CD244: variants seen among roughly 807,000 people sequenced by gnomAD.
The protein encoded by CD244 is natural killer cell receptor 2B4.
Under a neutral mutation model 45.5 loss-of-function variants are expected in CD244, and 20 were observed. That is an observed-to-expected ratio of 0.44 (90% CI 0.31 to 0.64). The LOEUF (loss-of-function observed/expected upper bound fraction) is 0.64, where lower values mean the gene tolerates loss of function less well. Ranked by LOEUF, CD244 falls within the 30% of genes least tolerant of loss-of-function variation. CD244 has a pLI of 0.08. For synonymous variants in CD244, 185 were observed against 160.5 expected (o/e 1.15, Z -1.15); for missense variants, 407 against 426.9 (o/e 0.95, Z 0.41).
intron 1 of CD244, among the ~76,000 whole-genome samples, chr1:160,847,513 A>G (rs1669777234): frequency 6.6e-6 from 1 of 152,204 alleles, no homozygotes; most frequent in South Asian, 2.1e-4. Flanking sequence ...CCCTCTAAGC[A>G]CAGTAGAATT....
At position 160,832,499 on chromosome 1, in the gene CD244, G is replaced by A; in HGVS notation, c.1017+20C>T. Reference sequence around the variant, plus strand: ...CTATGCAACAGACAGTAAACCCATTGAGGAGTTCCAGAATCTTACCACTTC... The same window carrying A: ...CTATGCAACAGACAGTAAACCCATTAAGGAGTTCCAGAATCTTACCACTTC... On this transcript the variant is annotated intron_variant, in intron 8 of 8. Transcript: ENST00000368034. The A allele has an allele frequency of 6.6e-7, 1 of 1,507,490 alleles. No homozygotes were observed. Among genetic ancestry groups the A allele is most frequent in the South Asian group, 1.2e-5 (1 of 85,338 alleles). The allele number at this position is 1,507,490 out of a possible 1,614,324, so 93.4% of individuals were successfully genotyped here.
chr1:160,861,524 T>A (rs1367324062), intron 1 of CD244, among the ~76,000 whole-genome samples: 11 of 151,916 alleles, frequency 7.2e-5, no homozygotes, highest in Non-Finnish European at 1.5e-4. Context: ...CCCTGCAGAG[T>A]CACTGATCTA....
intron 1 of CD244, among the ~76,000 whole-genome samples, chr1:160,857,482 A>G (rs1331933474): frequency 6.6e-6 from 1 of 152,270 alleles, no homozygotes; most frequent in African/African-American, 2.4e-5. Context: ...ACAAATAATA[A>G]CATACATAAA....
Position 160,831,373 on chromosome 1 carries a change from G to T in CD244, c.1072C>A (p.Leu358Met). Reference protein sequence around the residue: ...QNPARLSRKELENFDVYS With the variant: ...QNPARLSRKEMENFDVYS ...TAGGAATAAACATCAAAGTTCTCCA[G>T]CTCTTTGCGGCTCAATCGAGCAGGG... Residue 358 changes from leucine to methionine, a missense_variant, in exon 9 of 9, where the codon CTG becomes ATG. Leu to Met is a conservative substitution (Grantham distance 15, BLOSUM62 2). Coordinates refer to ENST00000368034, the MANE Select transcript of CD244 (RefSeq NM_016382.4). 3.1e-6 allele frequency: 5 copies of T among 1,614,076 alleles called. No individual in the cohort carries two copies. The highest frequency in any genetic ancestry group is 4.2e-6 in the Non-Finnish European group (5 of 1,179,908).
At chr1:160,862,590 G>A (rs753354373) in intron 1 of CD244, 27 bp downstream of exon 1, 55 of 1,608,468 alleles carry the variant, frequency 3.4e-5, no homozygotes, top group Non-Finnish European at 4.0e-5. Flanking sequence ...TCCCTCCCTC[G>A]CCCCACGCCA....
chr1:160,856,682 G>C (rs1670117366), intron 1 of CD244, among the ~76,000 whole-genome samples: 2 of 152,124 alleles, frequency 1.3e-5, no homozygotes, highest in South Asian at 4.1e-4. Context: ...AGATTCTTAA[G>C]GGTAGAATAG....
chr1:160,843,370 C>A (rs1186264368), intron 1 of CD244, among the ~76,000 whole-genome samples: 2 of 152,130 alleles, frequency 1.3e-5, no homozygotes, highest in Non-Finnish European at 2.9e-5. Context: ...AGTCAACCTA[C>A]CAAATATTGC....
At chr1:160,860,201 C>T (rs964572714) in intron 1 of CD244, among the ~76,000 whole-genome samples, 1 of 151,908 alleles carries the variant, frequency 6.6e-6, no homozygotes, top group Non-Finnish European at 1.5e-5. Flanking sequence ...GAGCGAGACT[C>T]CATCTCTAAA....
chr1:160,852,761 G>C (rs1669962172), intron 1 of CD244, among the ~76,000 whole-genome samples: 1 of 151,940 alleles, frequency 6.6e-6, no homozygotes, highest in Non-Finnish European at 1.5e-5. Flanking sequence ...GGTGGCTCAT[G>C]CCTGTAATCC....
chr1:160,835,213 A>G (rs907190342), intron 6 of CD244, among the ~76,000 whole-genome samples: 1 of 152,152 alleles, frequency 6.6e-6, no homozygotes, highest in Admixed American at 6.5e-5. Flanking sequence ...TTTAGCCATC[A>G]GTATTAAAGG....
chr1:160,842,680 T>C (rs1264573804), intron 1 of CD244, among the ~76,000 whole-genome samples: 2 of 152,148 alleles, frequency 1.3e-5, no homozygotes, highest in Non-Finnish European at 2.9e-5. Context: ...TCATTACTTA[T>C]TGATGTTTGC....
chr1:160,854,317 C>A (rs1670027301), intron 1 of CD244, among the ~76,000 whole-genome samples: 1 of 152,134 alleles, frequency 6.6e-6, no homozygotes, highest in Non-Finnish European at 1.5e-5. Flanking sequence ...GAAGGTTGTT[C>A]TCTGCTATTA....
intron 5 of CD244, 76 bp downstream of exon 5, chr1:160,838,375 C>T (rs1317249418): frequency 1.9e-6 from 2 of 1,066,646 alleles, no homozygotes; most frequent in South Asian, 1.2e-5. Flanking sequence ...TTTTGTCCCT[C>T]TGCTCTGAAT....
chr1:160,847,654 G>C (rs1214169425), intron 1 of CD244, among the ~76,000 whole-genome samples: 2 of 152,126 alleles, frequency 1.3e-5, no homozygotes, highest in Non-Finnish European at 2.9e-5. Context: ...AGAGCAAAGT[G>C]ATAATGAGTA....
intron 3 of CD244, among the ~76,000 whole-genome samples, chr1:160,839,717 A>G (rs1669465259): frequency 6.6e-6 from 1 of 152,178 alleles, no homozygotes; most frequent in African/African-American, 2.4e-5. Flanking sequence ...GGATCTTGGC[A>G]TCTGTGGTTG....
intron 2 of CD244, 21 bp downstream of exon 2, chr1:160,841,563 T>C: frequency 6.2e-7 from 1 of 1,612,562 alleles, no homozygotes. Context: ...GAGGGCAGTA[T>C]GAACAGTCCT....
intron 7 of CD244, chr1:160,832,823 C>T (rs1486819333): frequency 3.5e-6 from 2 of 564,696 alleles, no homozygotes; most frequent in Admixed American, 4.7e-5. Flanking sequence ...ATTTGCTGTT[C>T]CATACCCACA....
intron 1 of CD244, among the ~76,000 whole-genome samples, chr1:160,851,292 TC>T (rs1669911252): frequency 6.6e-6 from 1 of 152,214 alleles, no homozygotes; most frequent in South Asian, 2.1e-4. Context: ...CCGGCCCCTA[TC>T]CCGAAGCTGC....
chr1:160,845,972 G>A (rs55653503), intron 1 of CD244, among the ~76,000 whole-genome samples: 7,026 of 151,818 alleles, frequency 0.046, 456 homozygotes, highest in African/African-American at 0.15. Context: ...CAGAGTGGGG[G>A]AAAACTAAAT....
Sources: gnomAD v4.1 joint callset for allele counts (sites outside exome capture counted in the v4.1 genomes callset) on GRCh38, gnomAD v4.1.1 for gene constraint, MANE v1.5 for transcripts, NCBI Gene and HGNC (gene_info 2026-07-23, HGNC 2026-07-21) for gene names.